The following CNBD1 variants were observed in gnomAD, a reference collection of about 807,000 sequenced individuals.
CNBD1 encodes cyclic nucleotide binding domain containing 1, also known as cyclic nucleotide-binding domain-containing protein 1.
Under a neutral mutation model 54.4 loss-of-function variants are expected in CNBD1, and 71 were observed. That is an observed-to-expected ratio of 1.30 (90% CI 1.08 to 1.59). The LOEUF (loss-of-function observed/expected upper bound fraction) is 1.59, where lower values mean the gene tolerates loss of function less well. Among genes scored for constraint, CNBD1 ranks in the 40% most tolerant of loss-of-function variants. The pLI, the probability that CNBD1 is intolerant of heterozygous loss-of-function variation, is 0.00. For missense variants in CNBD1, 659 were observed against 518.0 expected (o/e 1.27, Z -2.64); for synonymous variants, 182 against 170.7 (o/e 1.07, Z -0.51).
intron 8 of CNBD1, among the ~76,000 whole-genome samples, chr8:87,316,031 A>T (rs562266014): frequency 2.0e-5 from 3 of 152,200 alleles, no homozygotes; most frequent in Non-Finnish European, 2.9e-5. Flanking sequence ...TAGGTAAAAA[A>T]CATAAATTGA....
At chr8:87,367,354 T>C (rs1810662989) in intron 10 of CNBD1, among the ~76,000 whole-genome samples, 1 of 152,082 alleles carries the variant, frequency 6.6e-6, no homozygotes, top group Non-Finnish European at 1.5e-5. Flanking sequence ...CAGGTGGGCT[T>C]TTTGAAGATC....
chr8:87,108,403 AG>A (rs1316136208), intron 4 of CNBD1, among the ~76,000 whole-genome samples: 1 of 152,222 alleles, frequency 6.6e-6, no homozygotes, highest in Admixed American at 6.5e-5. Flanking sequence ...GTTCTCAGGC[AG>A]GTATATAACA....
At chr8:87,094,052 G>A (rs909141350) in intron 4 of CNBD1, among the ~76,000 whole-genome samples, 1 of 152,144 alleles carries the variant, frequency 6.6e-6, no homozygotes, top group Admixed American at 6.5e-5. Flanking sequence ...TTTGCTGAGA[G>A]TGACATCTAT....
intron 4 of CNBD1, among the ~76,000 whole-genome samples, chr8:87,161,567 A>G (rs1022698651): frequency 2.0e-5 from 3 of 152,160 alleles, no homozygotes; most frequent in Non-Finnish European, 4.4e-5. Context: ...CAGAACAATT[A>G]AGTACACATA....
At chr8:87,358,762 G>A (rs1810470888) in intron 10 of CNBD1, among the ~76,000 whole-genome samples, 1 of 152,126 alleles carries the variant, frequency 6.6e-6, no homozygotes, top group African/African-American at 2.4e-5. Context: ...CCCAGTGTGA[G>A]GCCAAAGCCT....
At chr8:86,978,570 T>A (rs1808397545) in intron 4 of CNBD1, among the ~76,000 whole-genome samples, 1 of 141,484 alleles carries the variant, frequency 7.1e-6, no homozygotes, top group Non-Finnish European at 1.5e-5. Flanking sequence ...GAGGCGAAGT[T>A]TCGCTCTTGT....
chr8:86,987,527 TC>T (rs1808635495), intron 4 of CNBD1, among the ~76,000 whole-genome samples: 1 of 152,168 alleles, frequency 6.6e-6, no homozygotes, highest in Non-Finnish European at 1.5e-5. Flanking sequence ...GGCTAGGACT[TC>T]CAGTACTATG....
chr8:87,276,763 C>T (rs529665496), intron 6 of CNBD1, among the ~76,000 whole-genome samples: 5 of 151,908 alleles, frequency 3.3e-5, no homozygotes, highest in East Asian at 1.9e-4. Flanking sequence ...TACATTATTT[C>T]GAGCCAGACA....
intron 4 of CNBD1, among the ~76,000 whole-genome samples, chr8:87,012,244 C>T (rs973720333): frequency 6.6e-6 from 1 of 152,092 alleles, no homozygotes; most frequent in Non-Finnish European, 1.5e-5. Flanking sequence ...GTTGGTTGTA[C>T]TTGTGGTTGT....
intron 4 of CNBD1, among the ~76,000 whole-genome samples, chr8:87,098,520 G>A (rs1811361209): frequency 6.6e-6 from 1 of 152,120 alleles, no homozygotes; most frequent in African/African-American, 2.4e-5. Context: ...AATTAGCTAA[G>A]TAGTGAGAGA....
intron 3 of CNBD1, among the ~76,000 whole-genome samples, chr8:86,928,304 G>A (rs949223183): frequency 5.9e-5 from 9 of 152,102 alleles, no homozygotes; most frequent in Admixed American, 2.0e-4. Context: ...AGAGAATTTC[G>A]GATTCTCGAC....
chr8:87,415,840 A>T (rs751761973), intron 2 of CNBD1, among the ~76,000 whole-genome samples: 2 of 152,040 alleles, frequency 1.3e-5, no homozygotes, highest in Non-Finnish European at 2.9e-5. Flanking sequence ...ACAAATAGGG[A>T]AAATAGAAGT....
chr8:87,375,870 A>G (rs971919202), intron 10 of CNBD1, among the ~76,000 whole-genome samples: 5 of 151,872 alleles, frequency 3.3e-5, no homozygotes, highest in African/African-American at 7.2e-5. Flanking sequence ...TCAAGATCCT[A>G]TGTCTGTCTT....
intron 4 of CNBD1, among the ~76,000 whole-genome samples, chr8:86,984,615 A>C (rs573048372): frequency 6.6e-6 from 1 of 152,204 alleles, no homozygotes; most frequent in African/African-American, 2.4e-5. Context: ...TGTGACCTGT[A>C]TGTGAGACAT....
chr8:87,157,468 C>T (rs1247997327), intron 4 of CNBD1, among the ~76,000 whole-genome samples: 1 of 152,178 alleles, frequency 6.6e-6, no homozygotes, highest in East Asian at 1.9e-4. Flanking sequence ...TATAGTACCT[C>T]ACGCATTATG....
At chr8:87,418,994 T>A (rs543035879) in intron 2 of CNBD1, among the ~76,000 whole-genome samples, 1 of 151,990 alleles carries the variant, frequency 6.6e-6, no homozygotes, top group Admixed American at 6.6e-5. Context: ...GCACAAAAAC[T>A]TTTACATGAA....
At chr8:87,076,519 T>G (rs1350997953) in intron 4 of CNBD1, among the ~76,000 whole-genome samples, 1 of 152,080 alleles carries the variant, frequency 6.6e-6, no homozygotes, top group African/African-American at 2.4e-5. Flanking sequence ...CTTGGCTCAC[T>G]GCAACCTCCA....
chr8:87,333,610 T>G (rs1340410915), intron 8 of CNBD1, among the ~76,000 whole-genome samples: 1 of 152,196 alleles, frequency 6.6e-6, no homozygotes, highest in Non-Finnish European at 1.5e-5. Flanking sequence ...ATTGAAGGCC[T>G]TTTCTGTACC....
chr8:87,070,893 A>T (rs992452988), intron 4 of CNBD1, among the ~76,000 whole-genome samples: 1 of 152,112 alleles, frequency 6.6e-6, no homozygotes, highest in Non-Finnish European at 1.5e-5. Context: ...GGAAGAGCAC[A>T]TCCCTAGTTT....
Sources: allele counts gnomAD v4.1 joint callset (sites outside exome capture counted in the v4.1 genomes callset), GRCh38; gene constraint gnomAD v4.1.1; transcripts MANE v1.5; gene names NCBI Gene and HGNC (gene_info 2026-07-23, HGNC 2026-07-21).